Variants in PHYH observed in about 807,000 individuals in gnomAD.
PHYH encodes phytanoyl-CoA dioxygenase, peroxisomal.
PHYH carries 32 observed loss-of-function variants against 38.5 expected under a neutral mutation model. That is an observed-to-expected ratio of 0.83 (90% confidence interval 0.63 to 1.12). PHYH has a LOEUF of 1.12. Ranked by LOEUF, PHYH falls within the 50% of genes most tolerant of loss-of-function variation. The pLI is 0.00. For missense variants in PHYH, 426 were observed against 434.8 expected, an observed-to-expected ratio of 0.98 and a Z score of 0.18; for synonymous variants, 166 against 157.9, an observed-to-expected ratio of 1.05 and a Z score of -0.38.
At chr10:13,291,255 G>A (rs567491949) in intron 5 of PHYH, among the ~76,000 whole-genome samples, 8 of 152,198 alleles carry the variant, frequency 5.3e-5, no homozygotes, top group South Asian at 4.1e-4. Context: ...TAGAGACGTC[G>A]AATGGCAGGA....
chr10:13,283,665 C>G, intron 7 of PHYH, 25 bp downstream of exon 7: 1 of 1,612,112 alleles, frequency 6.2e-7, no homozygotes, highest in South Asian at 1.1e-5. Context: ...ACTTCTGCAG[C>G]AGGTGCAGCA....
Position 13,294,394 on chromosome 10 carries a change from A to G in PHYH, c.414+34T>C, listed in dbSNP as rs1322351453. On this transcript the variant is annotated intron_variant, in intron 4 of 8. Transcript: ENST00000263038. ...TTACAGGCAGACATACACACTGGCAATTAAGCCGACGCAAAGCAAGGGTGG... is the reference window on the plus strand; with the variant it reads ...TTACAGGCAGACATACACACTGGCAGTTAAGCCGACGCAAAGCAAGGGTGG... 5.0e-6 allele frequency: 8 copies of G among 1,609,502 alleles called. No individual in the cohort carries two copies. The Admixed American group carries it at 6.7e-5, about 13-fold the overall frequency.
chr10:13,287,307 C>A (rs931314146), intron 6 of PHYH, among the ~76,000 whole-genome samples: 1 of 152,106 alleles, frequency 6.6e-6, no homozygotes, highest in Non-Finnish European at 1.5e-5. Context: ...CCATTACACT[C>A]TAGCCTGGTG....
chr10:13,288,380 G>A lies in PHYH; in HGVS notation c.658C>T (p.His220Tyr), dbSNP rs767216891. The A allele has an allele frequency of 3.0e-5, 49 of 1,613,804 alleles. No homozygotes were observed. The highest frequency in any genetic ancestry group is 3.9e-5 in the Non-Finnish European group (46 of 1,180,020). Residue 220 changes from histidine (H) to tyrosine (Y), a missense_variant, in exon 6 of 9, where the codon CAC becomes TAC. Coordinates refer to ENST00000263038, the MANE Select transcript of PHYH (RefSeq NM_006214.4). The part of the protein sequence containing the change: ...PGTHKGSLKP[H>Y]DYPKWEGGVN... The stretch of plus-strand genomic sequence containing the variant: ...CCTACCTCCCACTTGGGGTAATCGT[G>A]GGGCTTCAGGGAGCCCTTGTGTGTG...
At chr10:13,299,918 G>GCGGCGC (rs1213780844) in intron 1 of PHYH, 50 bp downstream of exon 1, 155 of 1,490,512 alleles carry the variant, frequency 1.0e-4, no homozygotes, top group African/African-American at 7.4e-4. Context: ...CACTCAGGCG[G>GCGGCGC]CGGCGCCGGC....
intron 3 of PHYH, 107 bp downstream of exon 3, chr10:13,295,389 C>A: frequency 2.7e-6 from 2 of 732,106 alleles, no homozygotes; most frequent in Non-Finnish European, 5.0e-6. Context: ...TCCCAACAAA[C>A]CAAATCATTA....
chr10:13,299,981 G>C lies in PHYH; in HGVS notation c.62C>G (p.Ser21Trp), dbSNP rs1199703535. 2.6e-6 allele frequency: 4 copies of C among 1,531,044 alleles called. No homozygotes were observed. Among genetic ancestry groups the C allele is most frequent in the Non-Finnish European group, 3.5e-6 (4 of 1,144,082 alleles). 94.8% of individuals were successfully genotyped at this position (1,531,044 alleles called of 1,614,324 possible). A position where few individuals can be genotyped will look rare whatever the true frequency, so the allele number is the denominator to read the frequency against. Reference sequence around the variant, plus strand: ...CCCAAAGGATACGACAGCCCCGGCCGAGGGGCGGCCGAGGTGGCCCAGAAC... The same window carrying C: ...CCCAAAGGATACGACAGCCCCGGCCCAGGGGCGGCCGAGGTGGCCCAGAAC... ...QIVLGHLGRP[S>W]AGAVVAHPTS... is the part of the protein sequence containing the mutation. Residue 21 changes from serine (S) to tryptophan (W), a missense_variant, in exon 1 of 9, where the codon TCG (serine) becomes TGG (tryptophan). Coordinates refer to ENST00000263038, the MANE Select transcript of PHYH (RefSeq NM_006214.4).
intron 5 of PHYH, chr10:13,291,559 A>C (rs1022155653): frequency 1.9e-5 from 9 of 467,532 alleles, no homozygotes; most frequent in African/African-American, 1.4e-4. Context: ...GGTTCACTGC[A>C]GCCTTCAACT....
At chr10:13,292,104 G>A (rs1032913338) in intron 4 of PHYH, among the ~76,000 whole-genome samples, 192 bp from the exon 5 acceptor site, 1 of 152,100 alleles carries the variant, frequency 6.6e-6, no homozygotes, top group Non-Finnish European at 1.5e-5. Context: ...TCTATAACAC[G>A]GAATGAAATG....
At chr10:13,289,715 T>G (rs1341207402) in intron 5 of PHYH, among the ~76,000 whole-genome samples, 2 of 151,752 alleles carry the variant, frequency 1.3e-5, no homozygotes, top group African/African-American at 4.8e-5. Flanking sequence ...GCAGCTCTCT[T>G]GAGGTCAGGA....
rs573099963 is a variant in PHYH, at chr10:13,294,348, G to A, written c.414+80C>T. Reference sequence around the variant, plus strand: ...TCGGATTACAGGAGTGAGCCACTGCGCCCGGCCAAATCAGCGGGTTTTACA... The same window carrying A: ...TCGGATTACAGGAGTGAGCCACTGCACCCGGCCAAATCAGCGGGTTTTACA... On this transcript the variant is annotated intron_variant, in intron 4 of 8. Coordinates refer to ENST00000263038, the MANE Select transcript of PHYH (RefSeq NM_006214.4). The A allele has an allele frequency of 7.7e-5, 104 of 1,356,214 alleles. No individual in the cohort carries two copies. In the African/African-American group the frequency reaches 1.1e-3, roughly 14 times the overall value. The allele number at this position is 1,356,214 out of a possible 1,614,324, so 84.0% of individuals were successfully genotyped here.
At chr10:13,294,819 T>C in intron 3 of PHYH, 1 of 561,494 alleles carries the variant, frequency 1.8e-6, no homozygotes, top group South Asian at 2.0e-5. Flanking sequence ...AGTAGGGAAG[T>C]CTTTTTATAA....
intron 2 of PHYH, among the ~76,000 whole-genome samples, chr10:13,297,250 T>G (rs1832584922): frequency 6.6e-6 from 1 of 152,162 alleles, no homozygotes; most frequent in African/African-American, 2.4e-5. Context: ...AGTTGATGCA[T>G]TCCAAGAAGG....
Position 13,295,581 on chromosome 10 carries a change from T to C in PHYH, c.160A>G (p.Thr54Ala). ...TCATAAAATTTTCTCTGTTCCAGGGTTAGAACGTTATTATCCAGAGTATAC... is the reference window on the plus strand; with the variant it reads ...TCATAAAATTTTCTCTGTTCCAGGGCTAGAACGTTATTATCCAGAGTATAC... ...FQYTLDNNVL[T>A]LEQRKFYEEN... The change falls in exon 3 of 9, where the codon ACC becomes GCC. Residue 54 changes from threonine (T) to alanine (A), a missense_variant. Physicochemically the swap from Thr to Ala is moderately conservative, Grantham distance 58 (BLOSUM62 0). Coordinates refer to ENST00000263038, the MANE Select transcript of PHYH (RefSeq NM_006214.4). The C allele has an allele frequency of 7.2e-7, 1 of 1,391,814 alleles. No individual in the cohort carries two copies. Among genetic ancestry groups the C allele is most frequent in the South Asian group, 1.2e-5 (1 of 86,392 alleles). 86.2% of individuals were successfully genotyped at this position (1,391,814 alleles called of 1,614,324 possible).
rs137935496 is a variant in PHYH at position 13,293,333 on chromosome 10, C to T, written c.414+1095G>A. Among the ~76,000 whole-genome samples, 1,061 of 152,092 alleles carry T rather than the reference C, an allele frequency of 7.0e-3. 9 individuals carry two copies. The highest frequency in any genetic ancestry group is 0.024 in the African/African-American group (988 of 41,494). Reference sequence around the variant, plus strand: ...TTTTGTTTTTTTTGAGATGGAGTCTCGCTCTGTTGCCCAGGCTAGGTGCAA... The same window carrying T: ...TTTTGTTTTTTTTGAGATGGAGTCTTGCTCTGTTGCCCAGGCTAGGTGCAA... On this transcript the variant is annotated intron_variant, in intron 4 of 8. Transcript: ENST00000263038.
rs749786269 is a variant in PHYH at position 13,283,826 on chromosome 10, T to C, written c.692A>G (p.Lys231Arg). 2.5e-6 allele frequency: 4 copies of C among 1,613,996 alleles called. No homozygotes were observed. Among genetic ancestry groups the C allele is most frequent in the Admixed American group, 3.3e-5 (2 of 60,004 alleles). ...GTAGTCCTGGATCCCGTGGAACATT[T>C]TGTTAACTCCCCCCTAGAACAAGAG... The part of the protein sequence containing the change: ...DYPKWEGGVN[K>R]MFHGIQDYEE... The change falls in exon 7 of 9, where the codon AAA (lysine) becomes AGA (arginine). Residue 231 changes from lysine to arginine, a missense_variant. Physicochemically the swap from Lys to Arg is conservative, Grantham distance 26. Coordinates refer to ENST00000263038, the MANE Select transcript of PHYH (RefSeq NM_006214.4).
chr10:13,298,385 G>C, intron 1 of PHYH, 140 bp from the exon 2 acceptor site: 1 of 612,178 alleles, frequency 1.6e-6, no homozygotes, highest in Non-Finnish European at 3.1e-6. Context: ...TGGCCAACAT[G>C]GTGAAACCCC....
At chr10:13,285,890 C>T (rs1835537351) in intron 6 of PHYH, among the ~76,000 whole-genome samples, 1 of 151,868 alleles carries the variant, frequency 6.6e-6, no homozygotes. Context: ...AGGCATGAGC[C>T]ACTGCGCCCA....
At chr10:13,299,525 G>A in intron 1 of PHYH, 1 of 1,006,272 alleles carries the variant, frequency 9.9e-7, no homozygotes. Flanking sequence ...TCCTGCCCGG[G>A]AGGGCACCGT....
Sources: gnomAD v4.1 joint callset for allele counts (sites outside exome capture counted in the v4.1 genomes callset) on GRCh38, gnomAD v4.1.1 for gene constraint, MANE v1.5 for transcripts, NCBI Gene and HGNC (gene_info 2026-07-23, HGNC 2026-07-21) for gene names.